Variants in SMAD6 observed in about 807,000 individuals in gnomAD.
SMAD6 encodes the protein MAD homolog 6.
Under a neutral mutation model 39.4 loss-of-function variants are expected in SMAD6, and 103 were observed. The ratio of observed to expected loss-of-function variants is 2.62; its 90% CI spans 2.23 to 3.08. The LOEUF is 3.08. Ranked by LOEUF, SMAD6 falls within the 30% of genes most tolerant of loss-of-function variation. SMAD6 has a pLI of 0.00. For synonymous variants in SMAD6, 445 were observed against 353.3 expected, an observed-to-expected ratio of 1.26 and a Z score of -2.91; for missense variants, 1,104 against 742.9, an observed-to-expected ratio of 1.49 and a Z score of -5.65.
At chr15:66,737,428 G>C (rs977428351) in intron 3 of SMAD6, among the ~76,000 whole-genome samples, 1 of 152,202 alleles carries the variant, frequency 6.6e-6, no homozygotes, top group Non-Finnish European at 1.5e-5. Context: ...AGAAGTGAGC[G>C]CGGGTCGGCT....
chr15:66,775,384 G>A (rs1049838156), intron 3 of SMAD6, among the ~76,000 whole-genome samples: 2 of 152,302 alleles, frequency 1.3e-5, no homozygotes, highest in South Asian at 4.1e-4. Context: ...TCTGTTGATA[G>A]ATATCTGAGC....
chr15:66,724,892 A>G (rs1383819065), intron 3 of SMAD6, among the ~76,000 whole-genome samples: 1 of 152,082 alleles, frequency 6.6e-6, no homozygotes, highest in African/African-American at 2.4e-5. Context: ...ACCCCTCACT[A>G]TACATTGGCG....
At chr15:66,726,885 A>G (rs564176424) in intron 3 of SMAD6, among the ~76,000 whole-genome samples, 2 of 151,416 alleles carry the variant, frequency 1.3e-5, no homozygotes, top group South Asian at 4.2e-4. Context: ...TTTTTTTTAA[A>G]TTCCCCAGGT....
chr15:66,708,864 A>G (rs2140591949), intron 1 of SMAD6: 1 of 410,880 alleles, frequency 2.4e-6, no homozygotes, highest in Non-Finnish European at 5.2e-6. Flanking sequence ...GTTGCACAAC[A>G]CTGTGAATAT....
At chr15:66,718,681 T>TGA in intron 3 of SMAD6, among the ~76,000 whole-genome samples, 1 of 152,072 alleles carries the variant, frequency 6.6e-6, no homozygotes, top group Non-Finnish European at 1.5e-5. Context: ...TGTTAGCTTT[T>TGA]CCAGCTTGCT....
intron 3 of SMAD6, among the ~76,000 whole-genome samples, chr15:66,727,503 A>G (rs1446783611): frequency 6.6e-6 from 1 of 152,202 alleles, no homozygotes; most frequent in Non-Finnish European, 1.5e-5. Context: ...AGGCTTAAGC[A>G]GGGAAAGGGC....
chr15:66,737,993 C>A (rs1893743857), intron 3 of SMAD6, among the ~76,000 whole-genome samples: 1 of 152,208 alleles, frequency 6.6e-6, no homozygotes, highest in Non-Finnish European at 1.5e-5. Context: ...AAGGCTGATA[C>A]AATTGACTCT....
intron 1 of SMAD6, among the ~76,000 whole-genome samples, chr15:66,711,302 G>A (rs1401746334): frequency 6.6e-6 from 1 of 152,210 alleles, no homozygotes; most frequent in Non-Finnish European, 1.5e-5. Flanking sequence ...TGTTTATGGA[G>A]GTGTTTTTGG....
chr15:66,763,168 A>AG (rs1223731600), intron 3 of SMAD6, among the ~76,000 whole-genome samples: 1 of 152,110 alleles, frequency 6.6e-6, no homozygotes. Flanking sequence ...TGGAAGGTGG[A>AG]GGGGAAAAGA....
rs754474911 is a variant in SMAD6, at chr15:66,781,404, G to C, written c.1360G>C (p.Ala454Pro). The change falls in exon 4 of 4, where the codon GCC (alanine) becomes CCC (proline). Residue 454 changes from alanine (A) to proline (P), a missense_variant. Ala to Pro is a conservative substitution (Grantham distance 27). Coordinates refer to ENST00000288840, the MANE Select transcript of SMAD6 (RefSeq NM_005585.5). ...SGLQHAPEPD[A>P]ADGPYDPNSV... Reference sequence around the variant, plus strand: ...CCTGCAGCACGCGCCCGAGCCCGACGCCGCCGACGGCCCCTACGACCCCAA... The same window carrying C: ...CCTGCAGCACGCGCCCGAGCCCGACCCCGCCGACGGCCCCTACGACCCCAA... 8 of 1,603,114 alleles carry C rather than the reference G, an allele frequency of 5.0e-6. No homozygotes were observed. Among genetic ancestry groups the C allele is most frequent in the Non-Finnish European group, 6.8e-6 (8 of 1,177,910 alleles).
At chr15:66,780,020 C>T (rs758352896) in intron 3 of SMAD6, among the ~76,000 whole-genome samples, 1 of 152,154 alleles carries the variant, frequency 6.6e-6, no homozygotes, top group Admixed American at 6.5e-5. Flanking sequence ...ACAGACGGCC[C>T]GAGTCAGTGA....
chr15:66,773,525 T>C (rs1481012737), intron 3 of SMAD6, among the ~76,000 whole-genome samples: 1 of 152,190 alleles, frequency 6.6e-6, no homozygotes, highest in African/African-American at 2.4e-5. Context: ...CCTCTAAGTT[T>C]GATAACAAAA....
rs200004068 is a variant in SMAD6 at position 66,711,691 on chromosome 15, C to A, written c.841C>A (p.Arg281=). 9.9e-6 allele frequency: 16 copies of A among 1,613,768 alleles called. No homozygotes were observed. Among genetic ancestry groups the A allele is most frequent in the Non-Finnish European group, 1.4e-5 (16 of 1,179,900 alleles). Residue 281 remains arginine, a synonymous_variant, in exon 2 of 4, where the codon CGG becomes AGG. Transcript: ENST00000288840. ...AGAATCTCCGCCACCTCCCTACTCT[C>A]GGCTGTCTCCTCGCGACGAGTACAA... ...GPESPPPPYS[R]LSPRDEYKPL...
chr15:66,718,111 CGTGTGTGTGTGTGTGTGTGTGT>C (rs57053370), intron 3 of SMAD6, among the ~76,000 whole-genome samples: 1 of 137,158 alleles, frequency 7.3e-6, no homozygotes, highest in Non-Finnish European at 1.5e-5. Flanking sequence ...ATGGAAAGTC[CGTGTGTGTGTGTGTGTGTGTGT>C]GTGTGTGTGT....
chr15:66,720,206 A>T (rs1893406915), intron 3 of SMAD6, among the ~76,000 whole-genome samples: 1 of 150,744 alleles, frequency 6.6e-6, no homozygotes, highest in East Asian at 1.9e-4. Flanking sequence ...AAATAAATTC[A>T]TACTAAGGTG....
intron 1 of SMAD6, among the ~76,000 whole-genome samples, chr15:66,710,095 T>C (rs889197984): frequency 3.9e-5 from 6 of 152,320 alleles, no homozygotes; most frequent in African/African-American, 1.2e-4. Context: ...GAGTCAGGCC[T>C]GGACTGGAAT....
chr15:66,781,297 A>C lies in SMAD6; in HGVS notation c.1253A>C (p.Asp418Ala), dbSNP rs1288754635. Residue 418 changes from aspartate (D) to alanine (A), a missense_variant, in exon 4 of 4, where the codon GAC (aspartate) becomes GCC (alanine). Coordinates refer to ENST00000288840, the MANE Select transcript of SMAD6 (RefSeq NM_005585.5). ...ATCTTCGTCAACTCCCCGACGCTGG[A>C]CGCGCCCGGCGGCCGCGCCCTGGTC... ...HPIFVNSPTL[D>A]APGGRALVVR... 1 of 1,603,580 alleles carries C rather than the reference A, an allele frequency of 6.2e-7. No homozygotes were observed. The highest frequency in any genetic ancestry group is 1.3e-5 in the African/African-American group (1 of 74,766).
intron 3 of SMAD6, among the ~76,000 whole-genome samples, chr15:66,738,268 A>G (rs889852606): frequency 7.2e-5 from 11 of 152,328 alleles, no homozygotes; most frequent in Admixed American, 5.2e-4. Context: ...AGACAGGCCC[A>G]TGGAGCCAGG....
Position 66,767,959 on chromosome 15 carries a change from CTTTTTTTTTTT to C in SMAD6, c.953-13021_953-13011del, listed in dbSNP as rs71142337. ...TTGGAGTGATTATCCCAAGCTGCATCTTTTTTTTTTTTTTTTTTTTTTTTTTTGGAGACAGG... is the reference window on the plus strand; with the variant it reads ...TTGGAGTGATTATCCCAAGCTGCATCTTTTTTTTTTTTTTTTGGAGACAGG... On this transcript the variant is annotated intron_variant, in intron 3 of 3. Coordinates refer to ENST00000288840, the MANE Select transcript of SMAD6 (RefSeq NM_005585.5). Among the ~76,000 whole-genome samples, 19 of 60,282 alleles carry C rather than the reference CTTTTTTTTTTT, an allele frequency of 3.2e-4. 1 individual carries two copies. Among genetic ancestry groups the C allele is most frequent in the Non-Finnish European group, 4.0e-4 (14 of 34,894 alleles). The allele number at this position is 60,282 out of a possible 152,430, so 39.5% of individuals were successfully genotyped here. A position where few individuals can be genotyped will look rare whatever the true frequency, so the allele number is the denominator to read the frequency against.
Sources: allele counts gnomAD v4.1 joint callset (sites outside exome capture counted in the v4.1 genomes callset), GRCh38; gene constraint gnomAD v4.1.1; transcripts MANE v1.5; gene names NCBI Gene and HGNC (gene_info 2026-07-23, HGNC 2026-07-21).